SAMD4B: variants seen among roughly 807,000 people sequenced by gnomAD.
SAMD4B encodes the protein sterile alpha motif domain containing 4B.
In SAMD4B, 5 loss-of-function variants were observed where a neutral mutation model predicts 74.5. That is an observed-to-expected ratio of 0.07 (90% CI 0.04 to 0.14). The LOEUF is 0.14. SAMD4B is among the 10% of genes least tolerant of loss of function. The pLI, the probability that SAMD4B is intolerant of heterozygous loss-of-function variation, is 1.00. For missense variants in SAMD4B, 608 were observed against 921.8 expected, an observed-to-expected ratio of 0.66 and a Z score of 4.41; for synonymous variants, 373 against 374.9, an observed-to-expected ratio of 1.00 and a Z score of 0.06.
chr19:39,354,643 A>T (rs1369316058), intron 2 of SAMD4B, among the ~76,000 whole-genome samples: 1 of 152,188 alleles, frequency 6.6e-6, no homozygotes, highest in Non-Finnish European at 1.5e-5. Flanking sequence ...ATTATATAGG[A>T]ATGAAATAGT....
At chr19:39,361,355 A>G (rs62119694) in intron 3 of SAMD4B, among the ~76,000 whole-genome samples, 10,949 of 151,042 alleles carry the variant, frequency 0.072, 513 homozygotes, top group African/African-American at 0.13. Flanking sequence ...CATGGCTCAC[A>G]CCTGTAATCC....
At position 39,383,902 on chromosome 19, in the gene SAMD4B, C is replaced by T; in HGVS notation, c.*375C>T. 1.7e-6 allele frequency: 1 copy of T among 604,520 alleles called. No homozygotes were observed. 37.4% of individuals were successfully genotyped at this position (604,520 alleles called of 1,614,324 possible). A position where few individuals can be genotyped will look rare whatever the true frequency, so the allele number is the denominator to read the frequency against. On this transcript the variant is annotated 3_prime_UTR_variant, in exon 14 of 14. Coordinates refer to ENST00000610417, the MANE Select transcript of SAMD4B (RefSeq NM_001384574.2). The surrounding 1 kb of genome is among the most constrained non-coding windows in gnomAD (Gnocchi z 4.1). ...GCAGACTCCCCAGAGACAAACTGAC[C>T]ACTACCTTGTGGAGCCTGCTCAGAA...
chr19:39,360,616 G>A (rs944898768), intron 3 of SAMD4B, among the ~76,000 whole-genome samples: 1 of 152,160 alleles, frequency 6.6e-6, no homozygotes, highest in Non-Finnish European at 1.5e-5. Context: ...AGACTAAGAA[G>A]CAGGTGCCTC....
chr19:39,356,814 A>G lies in SAMD4B; in HGVS notation c.-80A>G, dbSNP rs2076365580. 4.8e-6 allele frequency: 6 copies of G among 1,239,202 alleles called. No individual in the cohort carries two copies. The Admixed American group carries it at 1.6e-4, about 33-fold the overall frequency. 76.8% of individuals were successfully genotyped at this position (1,239,202 alleles called of 1,614,324 possible). On this transcript the variant is annotated 5_prime_UTR_variant, in exon 3 of 14. Coordinates refer to ENST00000610417, the MANE Select transcript of SAMD4B (RefSeq NM_001384574.2). ...CCCTGGCCCTCAGGGGAAAGGTAAC[A>G]GGAGGCCAGAGCCGGGACCATGTGA...
chr19:39,365,543 A>G (rs1020112397), intron 3 of SAMD4B, among the ~76,000 whole-genome samples: 3 of 151,476 alleles, frequency 2.0e-5, no homozygotes, highest in Non-Finnish European at 4.4e-5. Flanking sequence ...CAACAGAGCA[A>G]GCCTCCATGT....
downstream of SAMD4B, chr19:39,388,510 C>G (rs1443377378): frequency 6.2e-7 from 1 of 1,612,902 alleles, no homozygotes; most frequent in Non-Finnish European, 8.5e-7. Flanking sequence ...CTTCCCTATC[C>G]CAATCCCCAA....
downstream of SAMD4B, chr19:39,388,581 A>G (rs369180773): frequency 1.9e-6 from 3 of 1,613,388 alleles, no homozygotes; most frequent in Non-Finnish European, 2.5e-6. Context: ...TGCATAGTCC[A>G]TCTCCTCCTC....
intron 2 of SAMD4B, among the ~76,000 whole-genome samples, chr19:39,354,603 A>G (rs372073709): frequency 3.2e-5 from 1 of 31,142 alleles, no homozygotes; most frequent in Non-Finnish European, 6.6e-5. Flanking sequence ...AGTAGAGAGA[A>G]ACAAATAAGA....
At chr19:39,377,954 C>A in intron 8 of SAMD4B, 130 bp downstream of exon 8, 2 of 891,392 alleles carry the variant, frequency 2.2e-6, no homozygotes, top group Non-Finnish European at 3.3e-6. Context: ...TGGAACACTA[C>A]AGAGAGTAGC....
Position 39,356,412 on chromosome 19 carries a change from G to A in SAMD4B, c.-205-277G>A, listed in dbSNP as rs990566976. ...CCAATATATTTTCTGTGTTAAATCC[G>A]CTTCCTTTGACACTATGACAGCCAG... On this transcript the variant is annotated intron_variant, in intron 2 of 13. Coordinates refer to ENST00000610417, the MANE Select transcript of SAMD4B (RefSeq NM_001384574.2). 3.9e-5 allele frequency among the ~76,000 whole-genome samples: 6 copies of A among 152,174 alleles called. No individual in the cohort carries two copies. The East Asian group carries it at 5.8e-4, about 15-fold the overall frequency.
At chr19:39,352,501 A>C (rs2076100938) in intron 1 of SAMD4B, 1 of 151,996 alleles carries the variant, frequency 6.6e-6, no homozygotes, top group Non-Finnish European at 1.5e-5. Context: ...AAAAAAAAAA[A>C]AAAAAAACCT....
intron 2 of SAMD4B, among the ~76,000 whole-genome samples, chr19:39,354,354 A>G (rs2076222548): frequency 6.6e-6 from 1 of 152,190 alleles, no homozygotes; most frequent in African/African-American, 2.4e-5. Flanking sequence ...TCTCTTCCCC[A>G]GAGGAAAATC....
At chr19:39,362,707 T>C (rs939485927) in intron 3 of SAMD4B, among the ~76,000 whole-genome samples, 1 of 152,088 alleles carries the variant, frequency 6.6e-6, no homozygotes, top group African/African-American at 2.4e-5. Context: ...GGAAGGAGAC[T>C]AGGGGGGTCA....
chr19:39,364,592 C>T (rs927009773), intron 3 of SAMD4B, among the ~76,000 whole-genome samples: 1 of 151,934 alleles, frequency 6.6e-6, no homozygotes, highest in African/African-American at 2.4e-5. Context: ...ACTTTCTGTC[C>T]CTAATGGGAA....
intron 1 of SAMD4B, among the ~76,000 whole-genome samples, chr19:39,349,642 A>G (rs1028580393): frequency 2.6e-5 from 4 of 152,200 alleles, no homozygotes; most frequent in African/African-American, 7.2e-5. Flanking sequence ...TATGAAAGTG[A>G]GTTAACCCTA....
chr19:39,365,929 A>G (rs1380739875), intron 3 of SAMD4B, among the ~76,000 whole-genome samples: 1 of 152,160 alleles, frequency 6.6e-6, no homozygotes, highest in Non-Finnish European at 1.5e-5. Context: ...GGCTGGGCAC[A>G]GTGGCTCATG....
downstream of SAMD4B, chr19:39,390,305 G>C (rs1441213655): frequency 1.2e-6 from 2 of 1,607,612 alleles, no homozygotes; most frequent in East Asian, 2.2e-5. Context: ...GGAGAAGAAA[G>C]AAACAGTGAT....
At chr19:39,366,270 C>T (rs573650641) in intron 3 of SAMD4B, among the ~76,000 whole-genome samples, 22 of 152,078 alleles carry the variant, frequency 1.4e-4, no homozygotes, top group Admixed American at 1.3e-3. Flanking sequence ...GAGCCGAGAT[C>T]GTGCCACTGC....
In SAMD4B at chr19:39,377,636, C is replaced by T. The variant is rs200993250; in HGVS notation, c.1256C>T (p.Pro419Leu). Residue 419 changes from proline (P) to leucine (L), a missense_variant, in exon 8 of 14, where the codon CCG becomes CTG. Physicochemically the swap from Pro to Leu is moderately conservative, Grantham distance 98. Around this residue, in one of 9 missense-constraint regions of SAMD4B, gnomAD observed 99 missense variants for 112.1 expected, o/e 0.88. Coordinates refer to ENST00000610417, the MANE Select transcript of SAMD4B (RefSeq NM_001384574.2). The stretch of plus-strand genomic sequence containing the variant: ...AAGGATGGGGCCCCGGGGGAACCAC[C>T]GCTGCCAGGTGCTGAGCCTCCCCTA... ...TAKDGAPGEP[P>L]LPGAEPPLAH... 141 of 1,614,116 alleles carry T rather than the reference C, an allele frequency of 8.7e-5. 1 individual carries two copies. The South Asian group carries it at 1.4e-3, about 16-fold the overall frequency.
Sources: gnomAD v4.1 joint callset for allele counts (sites outside exome capture counted in the v4.1 genomes callset) on GRCh38, gnomAD v4.1.1 for gene constraint, gnomAD v4.1.1 regional missense constraint, Gnocchi (gnomAD v3.1) non-coding constraint, MANE v1.5 for transcripts, NCBI Gene and HGNC (gene_info 2026-07-23, HGNC 2026-07-21) for gene names.